The following MTMR8 variants were observed in gnomAD, a reference collection of about 807,000 sequenced individuals.
MTMR8 encodes the protein phosphatidylinositol-3,5-bisphosphate 3-phosphatase MTMR8.
In MTMR8, 65 loss-of-function variants were observed where a neutral mutation model predicts 39.3. The observed-to-expected ratio is 1.65, with a 90% CI of 1.35 to 2.03. MTMR8 has a LOEUF of 2.03. MTMR8 is among the 30% of genes most tolerant of loss of function. MTMR8 has a pLI of 0.00. For synonymous variants in MTMR8, 245 were observed against 185.2 expected, an observed-to-expected ratio of 1.32 and a Z score of -2.62; for missense variants, 777 against 538.9, an observed-to-expected ratio of 1.44 and a Z score of -4.37.
intron 12 of MTMR8, among the ~76,000 whole-genome samples, chrX:64,272,047 T>C (rs930217212): frequency 2.7e-5 from 3 of 111,644 alleles, no homozygotes; most frequent in African/African-American, 9.8e-5. Flanking sequence ...CAGTTTAAAC[T>C]AGGACAATGG....
intron 12 of MTMR8, among the ~76,000 whole-genome samples, chrX:64,321,194 C>T (rs1379429992): frequency 1.8e-5 from 2 of 111,199 alleles, no homozygotes; most frequent in African/African-American, 6.5e-5. Context: ...AACGTATGCC[C>T]CATTCATAGG....
chrX:64,269,744 C>T (rs1931716545), intron 13 of MTMR8, among the ~76,000 whole-genome samples: 1 of 110,050 alleles, frequency 9.1e-6, no homozygotes, highest in African/African-American at 3.3e-5. Flanking sequence ...CATTTTTTAC[C>T]TTGTTGTATT....
intron 1 of MTMR8, among the ~76,000 whole-genome samples, chrX:64,362,869 G>C (rs1164714249): frequency 2.7e-5 from 3 of 110,718 alleles, no homozygotes; most frequent in Non-Finnish European, 5.7e-5. Context: ...GAATATACAA[G>C]GGACTTTTGC....
At chrX:64,394,873 G>A (rs969886604) in intron 1 of MTMR8, among the ~76,000 whole-genome samples, 2 of 112,433 alleles carry the variant, frequency 1.8e-5, no homozygotes, top group African/African-American at 6.5e-5. Flanking sequence ...TGGGGTTCTG[G>A]GCAATCCCTG....
At position 64,354,803 on chromosome X, in the gene MTMR8, T is replaced by C. The variant is rs762240341; in HGVS notation, c.442A>G (p.Ile148Val). ...RMGIPNRNWT[I>V]TDANRNYEIC... ...TCATAGTTTCTGTTGGCATCTGTTATGGTCCAGTTTCTGTTGGGTATTCCC... is the reference window on the plus strand; with the variant it reads ...TCATAGTTTCTGTTGGCATCTGTTACGGTCCAGTTTCTGTTGGGTATTCCC... The change falls in exon 4 of 14, where the codon ATA (isoleucine) becomes GTA (valine). Residue 148 changes from isoleucine to valine, a missense_variant. Physicochemically the swap from Ile to Val is conservative, Grantham distance 29. Transcript: ENST00000374852. 2 of 1,201,128 alleles carry C rather than the reference T, an allele frequency of 1.7e-6. No homozygotes were observed. Among genetic ancestry groups the C allele is most frequent in the Admixed American group, 2.3e-5 (1 of 44,343 alleles).
At chrX:64,353,944 A>T (rs765761319) in intron 4 of MTMR8, among the ~76,000 whole-genome samples, 4 of 110,938 alleles carry the variant, frequency 3.6e-5, no homozygotes, top group Non-Finnish European at 7.6e-5. Flanking sequence ...AAGAAAAGAA[A>T]ACTGTGGTAC....
intron 12 of MTMR8, chrX:64,305,516 T>A (rs759456271): frequency 7.7e-5 from 28 of 364,139 alleles, no homozygotes; most frequent in Non-Finnish European, 1.3e-4. Context: ...CCCACAAGTA[T>A]GAAAGAGCAT....
chrX:64,363,605 T>C (rs1476497098), intron 1 of MTMR8, among the ~76,000 whole-genome samples: 2 of 112,178 alleles, frequency 1.8e-5, no homozygotes, highest in Non-Finnish European at 3.8e-5. Flanking sequence ...CTTTAAAAAT[T>C]ACTCAGTCTC....
intron 12 of MTMR8, among the ~76,000 whole-genome samples, chrX:64,291,246 C>G (rs1921386142): frequency 9.0e-6 from 1 of 110,758 alleles, no homozygotes; most frequent in Non-Finnish European, 1.9e-5. Context: ...ATTTTTAACC[C>G]TTTAGAGCCT....
chrX:64,312,425 G>T (rs544387914), intron 12 of MTMR8, among the ~76,000 whole-genome samples: 2 of 111,828 alleles, frequency 1.8e-5, no homozygotes, highest in Admixed American at 9.5e-5. Flanking sequence ...CACAAGACAC[G>T]GATGCCCTCT....
chrX:64,328,872 G>T lies in MTMR8; in HGVS notation c.1381C>A (p.Pro461Thr). 1 of 1,194,648 alleles carries T rather than the reference G, an allele frequency of 8.4e-7. No individual in the cohort carries two copies. The highest frequency in any genetic ancestry group is 1.1e-6 in the Non-Finnish European group (1 of 890,270). The change falls in exon 12 of 14, where the codon CCT (proline) becomes ACT (threonine). Residue 461 changes from proline to threonine, a missense_variant. Pro to Thr is a conservative substitution (Grantham distance 38, BLOSUM62 -1). Coordinates refer to ENST00000374852, the MANE Select transcript of MTMR8 (RefSeq NM_017677.4). ...RVYEKTHSVW[P>T]FLVQRKPDFR... is the part of the protein sequence containing the mutation. ...TCTGGTTTCCTCTGAACCAAGAAAG[G>T]CCACACAGAATGTGTTTTCTCATAG... is the stretch of plus-strand genomic sequence containing the variant.
intron 12 of MTMR8, among the ~76,000 whole-genome samples, chrX:64,278,525 G>C (rs1425299721): frequency 2.5e-5 from 2 of 80,794 alleles, no homozygotes; most frequent in African/African-American, 1.1e-4. Context: ...CCAGGCTGGA[G>C]TGCAATGGTG....
chrX:64,359,844 G>A lies in MTMR8; in HGVS notation c.25-317C>T, dbSNP rs1475424901. 1.7e-4 allele frequency among the ~76,000 whole-genome samples: 18 copies of A among 106,844 alleles called. No homozygotes were observed. The Admixed American group carries it at 1.8e-3, about 11-fold the overall frequency. The allele number at this position is 106,844 out of a possible 115,157, so 92.8% of individuals were successfully genotyped here. A position where few individuals can be genotyped will look rare whatever the true frequency, so the allele number is the denominator to read the frequency against. On this transcript the variant is annotated intron_variant, in intron 1 of 13. Transcript: ENST00000374852. The stretch of plus-strand genomic sequence containing the variant: ...GAGGTACTTATCTTGTTGGAAGAAG[G>A]TGCAGTTATTGTATGTGTAAAAAAA...
intron 1 of MTMR8, among the ~76,000 whole-genome samples, chrX:64,377,304 C>T (rs1924296538): frequency 8.9e-6 from 1 of 112,005 alleles, no homozygotes; most frequent in Non-Finnish European, 1.9e-5. Flanking sequence ...GATCCACCCA[C>T]AGCTTGCACT....
chrX:64,291,176 T>C lies in MTMR8; in HGVS notation c.1482-20103A>G, dbSNP rs375557322. ...CTGGGAACTCATTCACTCAAAAGCC[T>C]GCTAGTACCAAACTCAAATTTTTAC... On this transcript the variant is annotated intron_variant, in intron 12 of 13. Transcript: ENST00000374852. Among the ~76,000 whole-genome samples, 3 of 111,594 alleles carry C rather than the reference T, an allele frequency of 2.7e-5. No individual in the cohort carries two copies. In the East Asian group the frequency reaches 8.5e-4, roughly 31 times the overall value.
intron 12 of MTMR8, among the ~76,000 whole-genome samples, chrX:64,327,569 A>G (rs1922829582): frequency 8.9e-6 from 1 of 112,553 alleles, no homozygotes; most frequent in Admixed American, 9.4e-5. Context: ...ACACTCACAT[A>G]CTATCAGTGG....
intron 1 of MTMR8, among the ~76,000 whole-genome samples, chrX:64,383,102 G>T (rs776870613): frequency 1.8e-5 from 2 of 111,368 alleles, no homozygotes; most frequent in Non-Finnish European, 3.8e-5. Context: ...TATTTCATTT[G>T]AGTCCTTACT....
chrX:64,388,746 T>C (rs185088716), intron 1 of MTMR8, among the ~76,000 whole-genome samples: 11 of 112,659 alleles, frequency 9.8e-5, no homozygotes, highest in Non-Finnish European at 2.1e-4. Flanking sequence ...CACACAGTTC[T>C]GTGGTCAGCA....
intron 12 of MTMR8, among the ~76,000 whole-genome samples, chrX:64,281,822 A>G (rs1197262441): frequency 2.7e-5 from 3 of 110,282 alleles, no homozygotes; most frequent in Non-Finnish European, 5.7e-5. Flanking sequence ...AATATCCAGA[A>G]TTTACAAGGA....
Sources: allele counts gnomAD v4.1 joint callset (sites outside exome capture counted in the v4.1 genomes callset), GRCh38; gene constraint gnomAD v4.1.1; transcripts MANE v1.5; gene names NCBI Gene and HGNC (gene_info 2026-07-23, HGNC 2026-07-21).